Variants in CADPS observed in about 807,000 individuals in gnomAD.
CADPS encodes the protein calcium dependent secretion activator.
In CADPS, 57 loss-of-function variants were observed where a neutral mutation model predicts 167.3. That is an observed-to-expected ratio of 0.34 (90% CI 0.28 to 0.42). The LOEUF (loss-of-function observed/expected upper bound fraction) is 0.42. Ranked by LOEUF, CADPS falls within the 20% of genes least tolerant of loss-of-function variation. CADPS has a pLI of 1.00. For missense variants in CADPS, 1,414 were observed against 1,738.1 expected (o/e 0.81, Z 3.32); for synonymous variants, 676 against 635.3 (o/e 1.06, Z -0.96).
rs34002756 is a variant in CADPS at position 62,428,296 on chromosome 3, C to CTTTTT, written c.3777+9803_3777+9807dup. Among the ~76,000 whole-genome samples the CTTTTT allele has an allele frequency of 4.0e-3, 259 of 64,626 alleles. 53 individuals are homozygous for CTTTTT. Among genetic ancestry groups the CTTTTT allele is most frequent in the African/African-American group, 0.015 (183 of 12,402 alleles). The allele number at this position is 64,626 out of a possible 152,430, so 42.4% of individuals were successfully genotyped here. Reference sequence around the variant, plus strand: ...TTGCAGCCACCTGGTGGAAGCAAGACTTTTTTTTTTTTTTTTTTTTTTTTT... The same window carrying CTTTTT: ...TTGCAGCCACCTGGTGGAAGCAAGACTTTTTTTTTTTTTTTTTTTTTTTTTTTTTT... On this transcript the variant is annotated intron_variant, in intron 28 of 29. Coordinates refer to ENST00000383710, the MANE Select transcript of CADPS (RefSeq NM_003716.4).
rs1340275825 is a variant in CADPS at position 62,861,202 on chromosome 3, A to G, written c.441+13387T>C. Among the ~76,000 whole-genome samples, 3 of 152,350 alleles carry G rather than the reference A, an allele frequency of 2.0e-5. No homozygotes were observed. The East Asian group carries it at 5.8e-4, about 29-fold the overall frequency. On this transcript the variant is annotated intron_variant, in intron 1 of 29. Transcript: ENST00000383710. ...TTCTGAAATTATGCTAGGTTCAACC[A>G]TATGAGCTTTGTCCAAGTGTCATTA...
At chr3:62,435,878 T>C (rs2054913594) in intron 28 of CADPS, among the ~76,000 whole-genome samples, 1 of 152,124 alleles carries the variant, frequency 6.6e-6, no homozygotes, top group African/African-American at 2.4e-5. Context: ...CTGGAGTTAC[T>C]TGTGAATTTT....
intron 1 of CADPS, among the ~76,000 whole-genome samples, chr3:62,826,888 A>G (rs942464078): frequency 1.3e-5 from 2 of 152,184 alleles, no homozygotes; most frequent in Non-Finnish European, 2.9e-5. Flanking sequence ...GTTGTGGGGA[A>G]AAGATCTTTG....
intron 1 of CADPS, among the ~76,000 whole-genome samples, chr3:62,776,871 G>A (rs191204866): frequency 3.9e-5 from 6 of 152,066 alleles, no homozygotes; most frequent in Admixed American, 2.0e-4. Flanking sequence ...GATGAGGAGG[G>A]CATTCCAGGT....
chr3:62,680,794 G>A (rs1278104421), intron 3 of CADPS, among the ~76,000 whole-genome samples: 1 of 152,042 alleles, frequency 6.6e-6, no homozygotes, highest in African/African-American at 2.4e-5. Flanking sequence ...ACAAAACTAT[G>A]AAACCAAGAA....
At chr3:62,557,010 C>T (rs149021994) in intron 10 of CADPS, among the ~76,000 whole-genome samples, 3 of 146,960 alleles carry the variant, frequency 2.0e-5, no homozygotes, top group African/African-American at 5.0e-5. Context: ...CACACACACA[C>T]ACACACACAC....
At chr3:62,526,702 C>G (rs2072318742) in intron 13 of CADPS, among the ~76,000 whole-genome samples, 2 of 152,200 alleles carry the variant, frequency 1.3e-5, no homozygotes, top group African/African-American at 4.8e-5. Flanking sequence ...TGAGCATACT[C>G]ACATTTTCCT....
At chr3:62,701,529 A>G (rs2081380431) in intron 3 of CADPS, among the ~76,000 whole-genome samples, 1 of 151,592 alleles carries the variant, frequency 6.6e-6, no homozygotes, top group South Asian at 2.1e-4. Context: ...GAATTGTTTG[A>G]ACACGGGAGG....
chr3:62,657,058 T>C (rs896898458), intron 4 of CADPS, among the ~76,000 whole-genome samples: 1 of 152,162 alleles, frequency 6.6e-6, no homozygotes, highest in Non-Finnish European at 1.5e-5. Context: ...TGTTACTTCA[T>C]AACACAGCAT....
At chr3:62,650,116 T>C (rs1192120431) in intron 5 of CADPS, among the ~76,000 whole-genome samples, 1 of 152,210 alleles carries the variant, frequency 6.6e-6, no homozygotes, top group Non-Finnish European at 1.5e-5. Flanking sequence ...CTAGATCATA[T>C]GGTAGTTTTA....
chr3:62,488,348 G>A (rs1240079275), intron 21 of CADPS, among the ~76,000 whole-genome samples: 1 of 152,122 alleles, frequency 6.6e-6, no homozygotes, highest in Non-Finnish European at 1.5e-5. Flanking sequence ...ATGTCTCCAA[G>A]CTCTTTTTTA....
intron 1 of CADPS, among the ~76,000 whole-genome samples, chr3:62,768,983 A>T (rs553950949): frequency 6.6e-6 from 1 of 152,222 alleles, no homozygotes; most frequent in South Asian, 2.1e-4. Flanking sequence ...ACTGGTTTAC[A>T]ATTCACTACT....
At chr3:62,552,852 C>T (rs1413795288) in intron 10 of CADPS, among the ~76,000 whole-genome samples, 1 of 152,082 alleles carries the variant, frequency 6.6e-6, no homozygotes, top group Non-Finnish European at 1.5e-5. Context: ...TTATAAGGGA[C>T]TATTTTGCTT....
In CADPS at chr3:62,650,923, G is replaced by A. The variant is rs746896565; in HGVS notation, c.1127C>T (p.Ala376Val). 4 of 1,614,132 alleles carry A rather than the reference G, an allele frequency of 2.5e-6. No homozygotes were observed. Among genetic ancestry groups the A allele is most frequent in the Non-Finnish European group, 3.4e-6 (4 of 1,179,992 alleles). The change falls in exon 5 of 30, where the codon GCT (alanine) becomes GTT (valine). Residue 376 changes from alanine to valine, a missense_variant. Coordinates refer to ENST00000383710, the MANE Select transcript of CADPS (RefSeq NM_003716.4). ...CTCCTCGCCCATGTCGATGATGGAAGCATTGTGGCTGCGTTTGAGTTTCTG... is the reference window on the plus strand; with the variant it reads ...CTCCTCGCCCATGTCGATGATGGAAACATTGTGGCTGCGTTTGAGTTTCTG... ...KLQKLKRSHN[A>V]SIIDMGEESE...
chr3:62,453,647 G>A (rs540866513), intron 26 of CADPS, among the ~76,000 whole-genome samples: 6 of 152,212 alleles, frequency 3.9e-5, no homozygotes, highest in African/African-American at 1.4e-4. Flanking sequence ...CTGCGTGTGC[G>A]GGTGAGCAGT....
chr3:62,689,430 A>G (rs1384828696), intron 3 of CADPS, among the ~76,000 whole-genome samples: 2 of 152,086 alleles, frequency 1.3e-5, no homozygotes, highest in Non-Finnish European at 2.9e-5. Context: ...CAACTGCTGT[A>G]AAAGTGTGCA....
intron 17 of CADPS, among the ~76,000 whole-genome samples, chr3:62,508,904 A>G (rs2067186145): frequency 6.6e-6 from 1 of 152,100 alleles, no homozygotes; most frequent in Admixed American, 6.5e-5. Context: ...AGTGTTTAAA[A>G]CATGTTTCTC....
chr3:62,664,246 T>C (rs1417951573), intron 3 of CADPS, among the ~76,000 whole-genome samples: 1 of 152,240 alleles, frequency 6.6e-6, no homozygotes, highest in Non-Finnish European at 1.5e-5. Flanking sequence ...GACCTCGTGA[T>C]ACGCCTGCCT....
intron 1 of CADPS, among the ~76,000 whole-genome samples, chr3:62,855,192 A>T (rs540263228): frequency 6.7e-6 from 1 of 149,436 alleles, no homozygotes; most frequent in East Asian, 2.0e-4. Flanking sequence ...CAATCTGCCC[A>T]CTTCGGCCTC....
Sources: gnomAD v4.1 joint callset for allele counts (sites outside exome capture counted in the v4.1 genomes callset) on GRCh38, gnomAD v4.1.1 for gene constraint, MANE v1.5 for transcripts, NCBI Gene and HGNC (gene_info 2026-07-23, HGNC 2026-07-21) for gene names.